The following PANX1 variants were observed in gnomAD, a reference collection of about 807,000 sequenced individuals.
The protein encoded by PANX1 is pannexin 1.
PANX1 carries 30 observed loss-of-function variants against 38.7 expected under a neutral mutation model. The observed-to-expected ratio is 0.78, with a 90% CI of 0.58 to 1.05. PANX1 has a LOEUF of 1.05. Ranked by LOEUF, PANX1 falls within the 50% of genes least tolerant of loss-of-function variation. The pLI is 0.00. For missense variants in PANX1, 551 were observed against 517.2 expected (o/e 1.07, Z -0.63); for synonymous variants, 230 against 212.2 (o/e 1.08, Z -0.73).
chr11:94,165,339 T>A (rs955534744), intron 2 of PANX1, among the ~76,000 whole-genome samples: 25 of 151,162 alleles, frequency 1.7e-4, no homozygotes, highest in East Asian at 1.3e-3. Flanking sequence ...TTATTTTTTT[T>A]AATTTTTTAA....
At chr11:94,170,332 C>G (rs1028378152) in intron 2 of PANX1, among the ~76,000 whole-genome samples, 1 of 151,734 alleles carries the variant, frequency 6.6e-6, no homozygotes, top group Admixed American at 6.6e-5. Flanking sequence ...TTGTGTCTGG[C>G]TTATCTCACT....
chr11:94,157,630 G>C (rs1946969963), intron 2 of PANX1, among the ~76,000 whole-genome samples: 1 of 152,108 alleles, frequency 6.6e-6, no homozygotes, highest in Non-Finnish European at 1.5e-5. Flanking sequence ...TTAGATTCTG[G>C]ATATTAGCCC....
chr11:94,156,024 ATGAGTCAC>A (rs1946945172), intron 2 of PANX1, among the ~76,000 whole-genome samples: 1 of 151,768 alleles, frequency 6.6e-6, no homozygotes, highest in South Asian at 2.1e-4. Flanking sequence ...GAGAGTTTTA[ATGAGTCAC>A]TGGGCTGCCT....
intron 2 of PANX1, among the ~76,000 whole-genome samples, chr11:94,175,360 G>A (rs753230117): frequency 2.0e-5 from 3 of 151,594 alleles, no homozygotes; most frequent in Admixed American, 6.6e-5. Flanking sequence ...GGCTATTTTA[G>A]GGAAATTTAC....
intron 3 of PANX1, 115 bp from the exon 4 acceptor site, chr11:94,179,486 TA>T: frequency 1.5e-6 from 1 of 671,204 alleles, no homozygotes; most frequent in Non-Finnish European, 2.5e-6. Flanking sequence ...ACGTTGTAGG[TA>T]AAGAAGTATG....
At chr11:94,166,696 C>T (rs1947104084) in intron 2 of PANX1, among the ~76,000 whole-genome samples, 1 of 152,268 alleles carries the variant, frequency 6.6e-6, no homozygotes, top group South Asian at 2.1e-4. Context: ...CATATTATAT[C>T]AGGCATCTAT....
chr11:94,145,639 T>A (rs1946820922), intron 1 of PANX1, among the ~76,000 whole-genome samples: 1 of 152,250 alleles, frequency 6.6e-6, no homozygotes. Flanking sequence ...GTTATTGCAA[T>A]AGATTCCTGT....
At chr11:94,158,230 G>A (rs1370584880) in intron 2 of PANX1, among the ~76,000 whole-genome samples, 2 of 152,010 alleles carry the variant, frequency 1.3e-5, no homozygotes, top group African/African-American at 2.4e-5. Flanking sequence ...TGGCGATGCA[G>A]GCTCTTTTTT....
At chr11:94,163,669 T>C (rs557191019) in intron 2 of PANX1, among the ~76,000 whole-genome samples, 1 of 152,342 alleles carries the variant, frequency 6.6e-6, no homozygotes, top group South Asian at 2.1e-4. Flanking sequence ...ATCGGAGGTA[T>C]TGGCTTATAA....
chr11:94,176,942 C>T (rs969274244), intron 2 of PANX1, among the ~76,000 whole-genome samples: 1 of 151,654 alleles, frequency 6.6e-6, no homozygotes, highest in Non-Finnish European at 1.5e-5. Flanking sequence ...GAGGACTGAA[C>T]ATAACGTGTC....
intron 2 of PANX1, among the ~76,000 whole-genome samples, chr11:94,173,161 A>G (rs541839090): frequency 4.0e-5 from 6 of 151,778 alleles, no homozygotes; most frequent in African/African-American, 1.5e-4. Context: ...CCACTTCCCC[A>G]GTGCAGGATG....
intron 2 of PANX1, among the ~76,000 whole-genome samples, chr11:94,154,473 A>T (rs1946923395): frequency 6.6e-6 from 1 of 152,222 alleles, no homozygotes; most frequent in South Asian, 2.1e-4. Flanking sequence ...TCCATTGTGA[A>T]AACAATTAGA....
intron 1 of PANX1, among the ~76,000 whole-genome samples, chr11:94,129,768 A>G (rs752684199): frequency 2.0e-5 from 3 of 152,150 alleles, no homozygotes; most frequent in Non-Finnish European, 4.4e-5. Context: ...TTCCACCCTT[A>G]GAACTGGCAC....
chr11:94,152,120 T>C (rs549519254), intron 1 of PANX1, among the ~76,000 whole-genome samples: 1 of 137,382 alleles, frequency 7.3e-6, no homozygotes, highest in African/African-American at 3.6e-5. Flanking sequence ...CATTGCTCCA[T>C]AGGGTGGGAA....
intron 2 of PANX1, among the ~76,000 whole-genome samples, chr11:94,177,297 A>G (rs1023360735): frequency 4.6e-5 from 7 of 151,260 alleles, no homozygotes; most frequent in Non-Finnish European, 8.8e-5. Context: ...AGAAAGGAAA[A>G]GAAGCAGTTT....
chr11:94,129,074 C>G lies in PANX1; in HGVS notation c.-239C>G. The G allele has an allele frequency of 2.5e-6, 1 of 397,380 alleles. No individual in the cohort carries two copies. The highest frequency in any genetic ancestry group is 4.4e-5 in the South Asian group (1 of 22,648). The allele number at this position is 397,380 out of a possible 1,614,324, so 24.6% of individuals were successfully genotyped here. A position where few individuals can be genotyped will look rare whatever the true frequency, so the allele number is the denominator to read the frequency against. On this transcript the variant is annotated 5_prime_UTR_variant, in exon 1 of 5. Transcript: ENST00000227638. The stretch of plus-strand genomic sequence containing the variant: ...GCGTGCGGGGTGGAACCGCAGGAAG[C>G]GGAGCTCTCGGGTTCCCGCCCCGCC...
At chr11:94,151,223 C>T (rs764233116) in intron 1 of PANX1, among the ~76,000 whole-genome samples, 12 of 152,066 alleles carry the variant, frequency 7.9e-5, no homozygotes, top group Non-Finnish European at 1.5e-4. Flanking sequence ...CATGTTTCTG[C>T]CCTCCTCTCT....
intron 2 of PANX1, among the ~76,000 whole-genome samples, chr11:94,154,236 G>C (rs1030284056): frequency 6.6e-6 from 1 of 152,152 alleles, no homozygotes; most frequent in Admixed American, 6.5e-5. Flanking sequence ...CAATGTCTGG[G>C]TTCCACTCCA....
intron 1 of PANX1, among the ~76,000 whole-genome samples, chr11:94,133,429 G>A (rs538789487): frequency 6.6e-6 from 1 of 152,136 alleles, no homozygotes; most frequent in African/African-American, 2.4e-5. Flanking sequence ...TAGTCTTTGC[G>A]GCAGCCACTC....
Sources: allele counts gnomAD v4.1 joint callset (sites outside exome capture counted in the v4.1 genomes callset), GRCh38; gene constraint gnomAD v4.1.1; transcripts MANE v1.5; gene names NCBI Gene and HGNC (gene_info 2026-07-23, HGNC 2026-07-21).